Variants in PIP5K1A observed in about 807,000 individuals in gnomAD.
PIP5K1A encodes phosphatidylinositol-4-phosphate 5-kinase type 1 alpha.
In PIP5K1A, 46 loss-of-function variants were observed where a neutral mutation model predicts 72.9. The ratio of observed to expected loss-of-function variants is 0.63; its 90% confidence interval spans 0.50 to 0.81. The LOEUF is 0.81. PIP5K1A is among the 30% of genes least tolerant of loss of function. The pLI is 0.00. For synonymous variants in PIP5K1A, 228 were observed against 255.1 expected (o/e 0.89, Z 1.01); for missense variants, 458 against 706.1 (o/e 0.65, Z 3.98).
upstream of PIP5K1A, chr1:151,197,964 T>C (rs1684706443): frequency 4.5e-6 from 2 of 449,382 alleles, no homozygotes; most frequent in South Asian, 3.2e-5. Context: ...GGGAAGGTTG[T>C]GATAAGTCCC....
In PIP5K1A at chr1:151,202,091, ACT is replaced by A. The variant is rs200663690; in HGVS notation, c.85+3014_85+3015del. On this transcript the variant is annotated intron_variant, in intron 1 of 15. Coordinates refer to ENST00000368888, the MANE Select transcript of PIP5K1A (RefSeq NM_001135638.2). ...TATCTTTAATATTGGCAGGGAACAA[ACT>A]CTCCTAAATAACCTCTCCTTCCCAA... Among the ~76,000 whole-genome samples the A allele has an allele frequency of 4.5e-3, 685 of 152,292 alleles. 5 individuals carry two copies. Among genetic ancestry groups the A allele is most frequent in the African/African-American group, 0.016 (650 of 41,548 alleles).
chr1:151,216,900 G>GTTTTTTTTTTTTTTTT (rs78155966), intron 1 of PIP5K1A, among the ~76,000 whole-genome samples: 1 of 136,674 alleles, frequency 7.3e-6, no homozygotes, highest in African/African-American at 2.7e-5. Context: ...CTTAGTAAAT[G>GTTTTTTTTTTTTTTTT]TTTTTTTTTT....
chr1:151,231,819 C>G lies in PIP5K1A; in HGVS notation c.368+18C>G. The stretch of plus-strand genomic sequence containing the variant: ...TTTCCCAGGTACAGAGTTTAATGTT[C>G]AGGAGCATGTCCTGGAAATGTGGCC... On this transcript the variant is annotated intron_variant, in intron 5 of 15. Coordinates refer to ENST00000368888, the MANE Select transcript of PIP5K1A (RefSeq NM_001135638.2). 3.1e-6 allele frequency: 5 copies of G among 1,613,028 alleles called. No individual in the cohort carries two copies. Among genetic ancestry groups the G allele is most frequent in the East Asian group, 2.2e-5 (1 of 44,854 alleles).
intron 4 of PIP5K1A, among the ~76,000 whole-genome samples, chr1:151,229,193 A>C (rs1214910443): frequency 6.8e-6 from 1 of 147,110 alleles, no homozygotes; most frequent in East Asian, 2.0e-4. Flanking sequence ...AAAAAAAAAA[A>C]CAGGAAAGAA....
intron 1 of PIP5K1A, among the ~76,000 whole-genome samples, chr1:151,200,189 TG>T (rs1029513870): frequency 4.5e-5 from 6 of 133,364 alleles, no homozygotes; most frequent in Non-Finnish European, 9.5e-5. Context: ...GAAAGATGGG[TG>T]GGGGGGTGAC....
rs587695638 is a variant in PIP5K1A at position 151,198,771 on chromosome 1, T to C, written c.-226T>C. On this transcript the variant is annotated 5_prime_UTR_variant, in exon 1 of 16. Coordinates refer to ENST00000368888, the MANE Select transcript of PIP5K1A (RefSeq NM_001135638.2). Reference sequence around the variant, plus strand: ...CCCCTGTGGAAAGCGGTTAAACTTGTGGAGGGGGTGCGGGACGTGAGTTCT... The same window carrying C: ...CCCCTGTGGAAAGCGGTTAAACTTGCGGAGGGGGTGCGGGACGTGAGTTCT... The C allele has an allele frequency of 3.9e-5, 24 of 621,268 alleles. No homozygotes were observed. The highest frequency in any genetic ancestry group is 3.6e-4 in the South Asian group (19 of 52,832). 38.5% of individuals were successfully genotyped at this position (621,268 alleles called of 1,614,324 possible). A position where few individuals can be genotyped will look rare whatever the true frequency, so the allele number is the denominator to read the frequency against.
At chr1:151,197,017 C>T (rs1171052034), upstream of PIP5K1A, among the ~76,000 whole-genome samples, 1 of 151,770 alleles carries the variant, frequency 6.6e-6, no homozygotes, top group Non-Finnish European at 1.5e-5. Flanking sequence ...CCCGCCACCA[C>T]GCCCAGCTAA....
intron 1 of PIP5K1A, among the ~76,000 whole-genome samples, chr1:151,215,579 G>A (rs976128216): frequency 3.9e-5 from 6 of 152,120 alleles, no homozygotes; most frequent in Non-Finnish European, 5.9e-5. Flanking sequence ...AGGTGATCAC[G>A]CCTCCCAAAG....
chr1:151,233,819 CTTACTCTGA>C, intron 7 of PIP5K1A: 1 of 200,818 alleles, frequency 5.0e-6, no homozygotes, highest in Non-Finnish European at 1.0e-5. Flanking sequence ...TCTCTGCAGC[CTTACTCTGA>C]TTGCTATTGG....
intron 4 of PIP5K1A, among the ~76,000 whole-genome samples, chr1:151,228,558 A>G (rs946503645): frequency 6.6e-6 from 1 of 152,144 alleles, no homozygotes; most frequent in Non-Finnish European, 1.5e-5. Flanking sequence ...TAATAGTGAA[A>G]AAGTGGAAAT....
chr1:151,215,026 CTTT>C (rs981508990), intron 1 of PIP5K1A, among the ~76,000 whole-genome samples: 8 of 115,078 alleles, frequency 7.0e-5, no homozygotes, highest in Non-Finnish European at 1.1e-4. Context: ...CCTGTGCATT[CTTT>C]TTTTTTTTTT....
chr1:151,198,662 G>GTT lies in PIP5K1A; in HGVS notation c.-327_-326dup. ...GCTCCTTTGGGACTTTTCATGCCTC[G>GTT]TTTTTTTTTCAGATGTGGCTTGGTC... On this transcript the variant is annotated 5_prime_UTR_variant, in exon 1 of 16. The change abolishes the stop of an existing upstream ORF in the 5' untranslated region. Transcript: ENST00000368888. 5 of 310,364 alleles carry GTT rather than the reference G, an allele frequency of 1.6e-5. No homozygotes were observed. The highest frequency in any genetic ancestry group is 2.4e-5 in the Non-Finnish European group (4 of 164,766). 19.2% of individuals were successfully genotyped at this position (310,364 alleles called of 1,614,324 possible). A position where few individuals can be genotyped will look rare whatever the true frequency, so the allele number is the denominator to read the frequency against.
chr1:151,230,265 C>T (rs1689852305), intron 4 of PIP5K1A, among the ~76,000 whole-genome samples: 1 of 152,142 alleles, frequency 6.6e-6, no homozygotes, highest in Non-Finnish European at 1.5e-5. Flanking sequence ...TAGCTAGTAG[C>T]CACACTTGAA....
upstream of PIP5K1A, among the ~76,000 whole-genome samples, chr1:151,196,937 T>C (rs1684604924): frequency 6.9e-6 from 1 of 145,236 alleles, no homozygotes; most frequent in African/African-American, 2.6e-5. Flanking sequence ...CTTGGCTCAC[T>C]GCAACCTCTG....
chr1:151,216,977 A>G (rs1052946459), intron 1 of PIP5K1A, among the ~76,000 whole-genome samples: 5 of 132,926 alleles, frequency 3.8e-5, no homozygotes, highest in African/African-American at 1.1e-4. Context: ...CAGTGCTGTG[A>G]TCTCAGCTTA....
At chr1:151,246,037 A>G (rs1692453423) in intron 14 of PIP5K1A, among the ~76,000 whole-genome samples, 1 of 152,138 alleles carries the variant, frequency 6.6e-6, no homozygotes, top group Non-Finnish European at 1.5e-5. Context: ...ACCTGAGGCC[A>G]GAAGTTCGAG....
intron 1 of PIP5K1A, among the ~76,000 whole-genome samples, chr1:151,209,033 CTTTT>C (rs1223884492): frequency 7.1e-6 from 1 of 141,550 alleles, no homozygotes; most frequent in Non-Finnish European, 1.6e-5. Context: ...CGCCTGGCCG[CTTTT>C]TTTTTTTTTG....
rs1167934467 is a variant in PIP5K1A, at chr1:151,232,251, A to G, written c.372A>G (p.Glu124=). The change falls in exon 6 of 16, where the codon GAA becomes GAG. Residue 124 remains glutamate, a synonymous_variant. Coordinates refer to ENST00000368888, the MANE Select transcript of PIP5K1A (RefSeq NM_001135638.2). ...CTACCTCTGTTTAACCCCACAGTGA[A>G]GGGAGCAACCTGACCCCTGCTCATC... The part of the protein sequence containing the change: ...YVVESIFFPS[E]GSNLTPAHHY... 2 of 1,608,688 alleles carry G rather than the reference A, an allele frequency of 1.2e-6. No homozygotes were observed. The highest frequency in any genetic ancestry group is 1.7e-5 in the Admixed American group (1 of 60,002).
rs1444303406 is a variant in PIP5K1A at position 151,227,284 on chromosome 1, A to G, written c.157-36A>G. The G allele has an allele frequency of 1.5e-5, 19 of 1,305,650 alleles. No individual in the cohort carries two copies. The East Asian group carries it at 2.3e-4, about 16-fold the overall frequency. The allele number at this position is 1,305,650 out of a possible 1,614,324, so 80.9% of individuals were successfully genotyped here. On this transcript the variant is annotated intron_variant, in intron 3 of 15. Transcript: ENST00000368888. ...TTGTGGTAGCTATTTGGTGTCTTAC[A>G]TGGGAATTGTATTATAATCTTGACT...
Sources: allele counts gnomAD v4.1 joint callset (sites outside exome capture counted in the v4.1 genomes callset), GRCh38; gene constraint gnomAD v4.1.1; transcripts MANE v1.5; gene names NCBI Gene and HGNC (gene_info 2026-07-23, HGNC 2026-07-21).